Variants in ADAM12 observed in about 807,000 individuals in gnomAD.
The protein encoded by ADAM12 is disintegrin and metalloproteinase domain-containing protein 12.
A neutral mutation model predicts 106.4 loss-of-function variants in ADAM12; 70 were observed. That is an observed-to-expected ratio of 0.66 (90% CI 0.54 to 0.80). ADAM12 has a LOEUF of 0.80. Ranked by LOEUF, ADAM12 falls within the 30% of genes least tolerant of loss-of-function variation. The pLI is 0.00. For missense variants in ADAM12, 1,010 were observed against 1,171.9 expected (o/e 0.86, Z 2.02); for synonymous variants, 420 against 433.5 (o/e 0.97, Z 0.39).
chr10:126,304,794 A>G (rs1007488606), intron 2 of ADAM12, among the ~76,000 whole-genome samples: 1 of 149,712 alleles, frequency 6.7e-6, no homozygotes. Flanking sequence ...GAACGTTTAC[A>G]AAAAAAAAAT....
chr10:126,067,598 G>A (rs115678399), intron 12 of ADAM12, among the ~76,000 whole-genome samples: 1,821 of 152,168 alleles, frequency 0.012, 31 homozygotes, highest in African/African-American at 0.042. Context: ...GACATTTTTC[G>A]CTCAGTTCTC....
At chr10:126,071,703 T>C (rs1954996716) in intron 11 of ADAM12, 49 bp from the exon 12 acceptor site, 6 of 1,595,312 alleles carry the variant, frequency 3.8e-6, no homozygotes, top group Non-Finnish European at 5.1e-6. Context: ...TGGAATGGCT[T>C]TGTCTGCCCT....
chr10:126,304,779 A>T (rs370048225), intron 2 of ADAM12, among the ~76,000 whole-genome samples: 1 of 152,094 alleles, frequency 6.6e-6, no homozygotes, highest in Non-Finnish European at 1.5e-5. Context: ...GGGTAAAAAA[A>T]ATCTGAACGT....
chr10:126,342,026 T>A (rs1431831244), intron 1 of ADAM12, among the ~76,000 whole-genome samples: 1 of 152,116 alleles, frequency 6.6e-6, no homozygotes, highest in Non-Finnish European at 1.5e-5. Context: ...GAATCTGAAT[T>A]CCAAAAGACA....
intron 1 of ADAM12, among the ~76,000 whole-genome samples, chr10:126,350,085 G>T (rs890126565): frequency 2.6e-5 from 4 of 152,142 alleles, no homozygotes; most frequent in Admixed American, 2.6e-4. Context: ...TCACTGGCCG[G>T]CCAATGATAT....
chr10:126,251,710 T>TG (rs1958766439), intron 3 of ADAM12, among the ~76,000 whole-genome samples: 6 of 144,834 alleles, frequency 4.1e-5, no homozygotes, highest in Non-Finnish European at 6.0e-5. Context: ...ATGGATAGGA[T>TG]GGATGGATAG....
At chr10:126,251,648 T>C (rs1400555056) in intron 3 of ADAM12, among the ~76,000 whole-genome samples, 1 of 116,190 alleles carries the variant, frequency 8.6e-6, no homozygotes, top group African/African-American at 3.3e-5. Flanking sequence ...ATGGGATGGA[T>C]GGGATGGATA....
chr10:126,035,086 C>T (rs531401158), intron 21 of ADAM12, among the ~76,000 whole-genome samples: 1 of 152,072 alleles, frequency 6.6e-6, no homozygotes, highest in Admixed American at 6.5e-5. Context: ...AACTACTAGA[C>T]AGCAACAAAT....
At chr10:126,157,710 G>A (rs1315399745) in intron 3 of ADAM12, among the ~76,000 whole-genome samples, 1 of 152,194 alleles carries the variant, frequency 6.6e-6, no homozygotes, top group Non-Finnish European at 1.5e-5. Flanking sequence ...TGCACATGTC[G>A]TGCCAGAGAA....
At chr10:126,340,271 T>G (rs747190315) in intron 1 of ADAM12, among the ~76,000 whole-genome samples, 1 of 152,198 alleles carries the variant, frequency 6.6e-6, no homozygotes, top group Non-Finnish European at 1.5e-5. Context: ...AAGGCAAACA[T>G]GGAGTGTTGA....
Position 126,295,910 on chromosome 10 carries a change from AAC to A in ADAM12, c.187-16924_187-16923del, listed in dbSNP as rs113506950. 3.2e-3 allele frequency among the ~76,000 whole-genome samples: 480 copies of A among 148,246 alleles called. 2 individuals carry two copies. Among genetic ancestry groups the A allele is most frequent in the South Asian group, 9.0e-3 (42 of 4,658 alleles). The stretch of plus-strand genomic sequence containing the variant: ...ATCGAACAACAGACACACACACACA[AAC>A]ACACACACACACACACATAAACACA... On this transcript the variant is annotated intron_variant, in intron 2 of 22. Coordinates refer to ENST00000448723, the MANE Select transcript of ADAM12 (RefSeq NM_001288973.2).
At chr10:126,075,600 A>G (rs186636098) in intron 11 of ADAM12, among the ~76,000 whole-genome samples, 1 of 152,318 alleles carries the variant, frequency 6.6e-6, no homozygotes, top group East Asian at 1.9e-4. Context: ...TTTTAGGGAC[A>G]GTGGACCTCA....
chr10:126,293,884 A>G (rs1276763772), intron 2 of ADAM12, among the ~76,000 whole-genome samples: 1 of 152,194 alleles, frequency 6.6e-6, no homozygotes, highest in Non-Finnish European at 1.5e-5. Context: ...AGGCCCAGGT[A>G]GAGCTCTTCT....
intron 6 of ADAM12, among the ~76,000 whole-genome samples, chr10:126,112,267 G>A (rs944967967): frequency 1.4e-4 from 22 of 151,928 alleles, no homozygotes; most frequent in African/African-American, 5.3e-4. Flanking sequence ...TGGGTCAGTA[G>A]GTGCAGCAAA....
intron 3 of ADAM12, among the ~76,000 whole-genome samples, chr10:126,230,016 TG>T (rs1958278788): frequency 6.6e-6 from 1 of 152,222 alleles, no homozygotes; most frequent in African/African-American, 2.4e-5. Context: ...AATTCCTACC[TG>T]CCCTTTATAT....
chr10:126,046,801 CAAAAAAAAAAAAA>C (rs60056450), intron 16 of ADAM12, among the ~76,000 whole-genome samples: 20 of 49,918 alleles, frequency 4.0e-4, no homozygotes, highest in African/African-American at 1.2e-3. Flanking sequence ...GATTCCGTCT[CAAAAAAAAAAAAA>C]AAAAAAAAAA....
At chr10:126,238,273 A>G (rs1958458180) in intron 3 of ADAM12, among the ~76,000 whole-genome samples, 4 of 152,128 alleles carry the variant, frequency 2.6e-5, no homozygotes, top group Admixed American at 6.5e-5. Context: ...TGAGGTGAGG[A>G]GTTCAAGACC....
intron 14 of ADAM12, among the ~76,000 whole-genome samples, chr10:126,051,980 A>G (rs1590341334): frequency 6.6e-6 from 1 of 152,214 alleles, no homozygotes; most frequent in African/African-American, 2.4e-5. Context: ...CTACCATTTA[A>G]TCCTACAAGG....
At chr10:126,233,494 C>G (rs1376892756) in intron 3 of ADAM12, among the ~76,000 whole-genome samples, 3 of 152,040 alleles carry the variant, frequency 2.0e-5, no homozygotes, top group African/African-American at 7.2e-5. Context: ...AGAGGCACCG[C>G]AGGGCCCACA....
Sources: gnomAD v4.1 joint callset for allele counts (sites outside exome capture counted in the v4.1 genomes callset) on GRCh38, gnomAD v4.1.1 for gene constraint, MANE v1.5 for transcripts, NCBI Gene and HGNC (gene_info 2026-07-23, HGNC 2026-07-21) for gene names.